The following BET1 variants were observed in gnomAD, a reference collection of about 807,000 sequenced individuals.
The protein encoded by BET1 is Bet1 golgi vesicular membrane trafficking protein.
BET1 carries 9 observed loss-of-function variants against 13.9 expected under a neutral mutation model. That is an observed-to-expected ratio of 0.65 (90% CI 0.39 to 1.13). The LOEUF (loss-of-function observed/expected upper bound fraction) is 1.13, where lower values mean the gene tolerates loss of function less well. BET1 is among the 50% of genes most tolerant of loss of function. The probability of loss-of-function intolerance (pLI) is 0.01; values close to 1 mark genes in which losing one functional copy is unlikely to be tolerated. For missense variants in BET1, 127 were observed against 133.6 expected (o/e 0.95, Z 0.24); for synonymous variants, 39 against 47.3 (o/e 0.82, Z 0.72).
chr7:93,981,660 T>C (rs1025796847), intron 4 of BET1, among the ~76,000 whole-genome samples: 1 of 152,184 alleles, frequency 6.6e-6, no homozygotes, highest in Non-Finnish European at 1.5e-5. Context: ...ATTCAAGTAA[T>C]GTATCAGCTG....
In BET1 at chr7:93,993,660, G is replaced by A; in HGVS notation, c.*570C>T. 1 of 1,316,162 alleles carries A rather than the reference G, an allele frequency of 7.6e-7. No individual in the cohort carries two copies. The highest frequency in any genetic ancestry group is 9.6e-7 in the Non-Finnish European group (1 of 1,038,398). The allele number at this position is 1,316,162 out of a possible 1,614,324, so 81.5% of individuals were successfully genotyped here. A position where few individuals can be genotyped will look rare whatever the true frequency, so the allele number is the denominator to read the frequency against. ...TAACAAGTTTTATTTAAAGAATGAGGTCTTTGGGCAGAAAGAAATGAGGGG... is the reference window on the plus strand; with the variant it reads ...TAACAAGTTTTATTTAAAGAATGAGATCTTTGGGCAGAAAGAAATGAGGGG... On this transcript the variant is annotated 3_prime_UTR_variant, in exon 4 of 4. Coordinates refer to ENST00000222547, the MANE Select transcript of BET1 (RefSeq NM_005868.6).
chr7:94,002,949 T>C (rs1294040260), intron 1 of BET1, among the ~76,000 whole-genome samples: 1 of 152,206 alleles, frequency 6.6e-6, no homozygotes, highest in Non-Finnish European at 1.5e-5. Flanking sequence ...CCCTTATATG[T>C]AGAACTTATC....
In BET1 at chr7:93,986,314, G is replaced by C. The variant is rs550613686; in HGVS notation, c.235+8038C>G. 4.6e-5 allele frequency among the ~76,000 whole-genome samples: 7 copies of C among 152,248 alleles called. No homozygotes were observed. In the South Asian group the frequency reaches 1.5e-3, roughly 32 times the overall value. ...GTTTTAGCTCTGAAAATCCATGGTA[G>C]ACCTAAAGAGCTGAGTTTCTAAGTT... On this transcript the variant is annotated intron_variant and NMD_transcript_variant, in intron 4 of 6. Transcript: ENST00000357520.
At chr7:93,994,758 C>G (rs933100171) in intron 3 of BET1, among the ~76,000 whole-genome samples, 1 of 152,210 alleles carries the variant, frequency 6.6e-6, no homozygotes, top group Non-Finnish European at 1.5e-5. Flanking sequence ...TGTGCCATTG[C>G]TCTCCAAGGT....
At position 93,993,288 on chromosome 7, in the gene BET1, C is replaced by A. The variant is rs943082264; in HGVS notation, c.*942G>T. On this transcript the variant is annotated 3_prime_UTR_variant, in exon 4 of 4. Coordinates refer to ENST00000222547, the MANE Select transcript of BET1 (RefSeq NM_005868.6). ...TTTATTTAAAAATTTACTTTTGAAG[C>A]CTATAAATGGATAAATTCCAAAATA... 1.1e-5 allele frequency: 10 copies of A among 931,590 alleles called. No homozygotes were observed. The highest frequency in any genetic ancestry group is 1.3e-5 in the Non-Finnish European group (10 of 781,064). 57.7% of individuals were successfully genotyped at this position (931,590 alleles called of 1,614,324 possible). A position where few individuals can be genotyped will look rare whatever the true frequency, so the allele number is the denominator to read the frequency against.
At chr7:94,002,457 T>TA (rs1795927737) in intron 1 of BET1, among the ~76,000 whole-genome samples, 1 of 107,916 alleles carries the variant, frequency 9.3e-6, no homozygotes, top group Non-Finnish European at 1.8e-5. Flanking sequence ...GAGCTTTTTT[T>TA]TAAAAAAAAA....
chr7:93,985,377 T>C lies in BET1; in HGVS notation c.235+8975A>G, dbSNP rs144162803. Among the ~76,000 whole-genome samples, 58 of 152,332 alleles carry C rather than the reference T, an allele frequency of 3.8e-4. No individual in the cohort carries two copies. The East Asian group carries it at 0.011, about 29-fold the overall frequency. ...AATTTTATGTGTAACATAAGGCTAT[T>C]ACTAATACTCACCTTAAGGATATTA... On this transcript the variant is annotated intron_variant and NMD_transcript_variant, in intron 4 of 6. Transcript: ENST00000357520.
rs1308832526 is a variant in BET1 at position 93,993,533 on chromosome 7, A to T, written c.*697T>A. On this transcript the variant is annotated 3_prime_UTR_variant, in exon 4 of 4. Coordinates refer to ENST00000222547, the MANE Select transcript of BET1 (RefSeq NM_005868.6). ...GTGCTACCTATGTAGTAAAAATCATAAAACTATTATAAGCCAAGTCAAGAG... is the reference window on the plus strand; with the variant it reads ...GTGCTACCTATGTAGTAAAAATCATTAAACTATTATAAGCCAAGTCAAGAG... The T allele has an allele frequency of 1.8e-5, 18 of 1,008,016 alleles. No individual in the cohort carries two copies. Among genetic ancestry groups the T allele is most frequent in the Non-Finnish European group, 2.0e-5 (17 of 841,606 alleles). 62.4% of individuals were successfully genotyped at this position (1,008,016 alleles called of 1,614,324 possible). A position where few individuals can be genotyped will look rare whatever the true frequency, so the allele number is the denominator to read the frequency against.
chr7:93,999,167 T>C lies in BET1; in HGVS notation c.144+3A>G. 6.2e-7 allele frequency: 1 copy of C among 1,605,056 alleles called. No individual in the cohort carries two copies. On this transcript the variant is annotated splice_donor_region_variant and intron_variant, in intron 2 of 3. Coordinates refer to ENST00000222547, the MANE Select transcript of BET1 (RefSeq NM_005868.6). ...ACACATATAATATTTGTTATATACT[T>C]ACAGATTTTATAGCAGTTACTTTGC...
chr7:94,001,895 C>T (rs968047713), intron 1 of BET1, among the ~76,000 whole-genome samples: 4 of 152,072 alleles, frequency 2.6e-5, no homozygotes, highest in Non-Finnish European at 5.9e-5. Context: ...GTTGCTTTTG[C>T]CTATCTTAAT....
exon 7 of BET1, chr7:93,962,795 A>T (rs900193370): frequency 8.4e-5 from 12 of 143,228 alleles, no homozygotes; most frequent in African/African-American, 2.6e-4. Context: ...AACCTTTATT[A>T]AAAAAAAAAC....
chr7:94,002,321 A>G (rs2076942784), intron 1 of BET1, among the ~76,000 whole-genome samples: 1 of 152,144 alleles, frequency 6.6e-6, no homozygotes, highest in Non-Finnish European at 1.5e-5. Context: ...TCAGGTCAAT[A>G]TGCATTCATA....
At chr7:94,004,118 A>G in intron 1 of BET1, 80 bp downstream of exon 1, 2 of 1,599,464 alleles carry the variant, frequency 1.3e-6, no homozygotes, top group African/African-American at 1.3e-5. Context: ...CCAGGAACAT[A>G]AGACAGGTTC....
chr7:93,991,676 C>G, downstream of BET1: 1 of 497,648 alleles, frequency 2.0e-6, no homozygotes. Flanking sequence ...ATGGAGAGGT[C>G]ATCAGCCCAA....
At chr7:93,967,799 C>T (rs1040232070) in intron 6 of BET1, among the ~76,000 whole-genome samples, 2 of 151,564 alleles carry the variant, frequency 1.3e-5, no homozygotes, top group Non-Finnish European at 3.0e-5. Context: ...ATAATAGAAT[C>T]CAGTTCTATT....
At chr7:93,979,622 G>T (rs187749001) in intron 4 of BET1, among the ~76,000 whole-genome samples, 1 of 151,788 alleles carries the variant, frequency 6.6e-6, no homozygotes, top group Admixed American at 6.6e-5. Flanking sequence ...GCATGAGACC[G>T]GCACATTGAA....
chr7:93,981,344 A>G (rs2116066475), intron 4 of BET1, among the ~76,000 whole-genome samples: 1 of 152,292 alleles, frequency 6.6e-6, no homozygotes, highest in East Asian at 1.9e-4. Context: ...AGAGAAGCAA[A>G]AGGTCATTAA....
At chr7:94,000,816 G>A (rs1795887460) in intron 1 of BET1, among the ~76,000 whole-genome samples, 1 of 152,096 alleles carries the variant, frequency 6.6e-6, no homozygotes, top group Admixed American at 6.5e-5. Context: ...TTGAGAATGT[G>A]GGGAAAGGAA....
At chr7:93,980,794 G>T (rs1452194651) in intron 4 of BET1, among the ~76,000 whole-genome samples, 1 of 152,122 alleles carries the variant, frequency 6.6e-6, no homozygotes, top group East Asian at 1.9e-4. Flanking sequence ...ATTTTTAAAC[G>T]CATCCATATC....
Sources: gnomAD v4.1 joint callset for allele counts (sites outside exome capture counted in the v4.1 genomes callset) on GRCh38, gnomAD v4.1.1 for gene constraint, MANE v1.5 for transcripts, NCBI Gene and HGNC (gene_info 2026-07-23, HGNC 2026-07-21) for gene names.